Variants in PUDP observed in about 807,000 individuals in gnomAD.
PUDP encodes the protein pseudouridine 5'-phosphatase.
Under a neutral mutation model 9.4 loss-of-function variants are expected in PUDP, and 8 were observed. That is an observed-to-expected ratio of 0.85 (90% CI 0.50 to 1.53). The LOEUF is 1.53. Ranked by LOEUF, PUDP falls within the 40% of genes most tolerant of loss-of-function variation. The probability of loss-of-function intolerance (pLI) is 0.00; values close to 1 mark genes in which losing one functional copy is unlikely to be tolerated. For missense variants in PUDP, 188 were observed against 189.7 expected (o/e 0.99, Z 0.05); for synonymous variants, 99 against 80.7 (o/e 1.23, Z -1.22).
At chrX:6,977,178 T>A (rs1186317866) in exon 3 of PUDP, among the ~76,000 whole-genome samples, 1 of 111,914 alleles carries the variant, frequency 8.9e-6, no homozygotes, top group Non-Finnish European at 1.9e-5. Context: ...CTTTTCTCCA[T>A]GCCACTCCAG....
chrX:7,000,472 A>G (rs2146809074), intron 1 of PUDP, among the ~76,000 whole-genome samples: 1 of 111,290 alleles, frequency 9.0e-6, no homozygotes, highest in East Asian at 2.8e-4. Context: ...TGAAAAAATA[A>G]GAAATTTACC....
In PUDP at chrX:6,706,078, A is replaced by G. The variant is rs765425792; in HGVS notation, n.252+265T>C. ...TGCCAAGTTAAACAAGCCAGACACAAAAGGACAAATATTGTATGATTCCAC... is the reference window on the plus strand; with the variant it reads ...TGCCAAGTTAAACAAGCCAGACACAGAAGGACAAATATTGTATGATTCCAC... On this transcript the variant is annotated intron_variant and non_coding_transcript_variant, in intron 2 of 2. Coordinates refer to the PUDP transcript ENST00000438499. Among the ~76,000 whole-genome samples, 3 of 112,509 alleles carry G rather than the reference A, an allele frequency of 2.7e-5. No individual in the cohort carries two copies. In the East Asian group the frequency reaches 8.4e-4, roughly 31 times the overall value.
chrX:6,881,754 C>A (rs1261137207), intron 3 of PUDP, among the ~76,000 whole-genome samples: 1 of 110,234 alleles, frequency 9.1e-6, no homozygotes, highest in African/African-American at 3.3e-5. Flanking sequence ...AAAGCCCCTA[C>A]AAAAAAACAA....
intron 2 of PUDP, among the ~76,000 whole-genome samples, chrX:7,093,140 C>G (rs1193813076): frequency 9.0e-6 from 1 of 111,597 alleles, no homozygotes; most frequent in Non-Finnish European, 1.9e-5. Context: ...AACTCTGTCC[C>G]CATTAAATGC....
chrX:6,893,912 T>C (rs142851815), intron 3 of PUDP, among the ~76,000 whole-genome samples: 2,319 of 111,961 alleles, frequency 0.021, 63 homozygotes, highest in African/African-American at 0.069. Context: ...GGAATACTAT[T>C]CAGCCAGAAA....
In PUDP at chrX:7,050,483, A is replaced by G. The variant is rs760154085; in HGVS notation, c.511-11T>C. The stretch of plus-strand genomic sequence containing the variant: ...TTCAAAGACAAGGCACTGTAGGAAG[A>G]AAAAGAAAGTCGAGATGGCCTTTTA... On this transcript the variant is annotated splice_polypyrimidine_tract_variant and intron_variant, in intron 3 of 3. Coordinates refer to ENST00000381077, the MANE Select transcript of PUDP (RefSeq NM_012080.5). 1.7e-6 allele frequency: 2 copies of G among 1,204,294 alleles called. No homozygotes were observed. Among genetic ancestry groups the G allele is most frequent in the South Asian group, 3.6e-5 (2 of 56,092 alleles).
chrX:6,757,012 C>T (rs1035186654), intron 3 of PUDP, among the ~76,000 whole-genome samples: 3 of 112,201 alleles, frequency 2.7e-5, no homozygotes, highest in African/African-American at 9.7e-5. Flanking sequence ...CACATAGATC[C>T]TATGTTCCCT....
At chrX:6,950,400 T>C (rs1289073247) in intron 3 of PUDP, among the ~76,000 whole-genome samples, 1 of 92,946 alleles carries the variant, frequency 1.1e-5, no homozygotes, top group African/African-American at 3.7e-5. Context: ...CATCAGTTAG[T>C]CATTTCTTTT....
At chrX:6,889,597 T>C (rs1278739591) in intron 3 of PUDP, among the ~76,000 whole-genome samples, 2 of 112,517 alleles carry the variant, frequency 1.8e-5, no homozygotes, top group African/African-American at 3.2e-5. Flanking sequence ...ACTCCATAAA[T>C]AGTTGTTGGA....
At chrX:6,810,915 G>A (rs1486888169) in intron 3 of PUDP, among the ~76,000 whole-genome samples, 1 of 111,404 alleles carries the variant, frequency 9.0e-6, no homozygotes, top group African/African-American at 3.3e-5. Flanking sequence ...TTTAGATAAC[G>A]TTAGTCATTC....
chrX:6,827,968 G>A (rs1926448126), intron 3 of PUDP, among the ~76,000 whole-genome samples: 1 of 111,779 alleles, frequency 8.9e-6, no homozygotes, highest in South Asian at 3.8e-4. Context: ...TGGGGATCAG[G>A]CACCATTTTA....
chrX:7,026,497 G>A (rs946911463), intron 1 of PUDP, among the ~76,000 whole-genome samples: 1 of 112,105 alleles, frequency 8.9e-6, no homozygotes, highest in African/African-American at 3.2e-5. Context: ...CACCTTTGCA[G>A]TTTGGGAAGT....
chrX:6,925,595 G>GA (rs766174927), intron 3 of PUDP, among the ~76,000 whole-genome samples: 19 of 112,007 alleles, frequency 1.7e-4, no homozygotes, highest in Non-Finnish European at 3.0e-4. Flanking sequence ...ACAAACCCAC[G>GA]AAGCCTTCAG....
chrX:6,858,379 G>A (rs1323500248), intron 3 of PUDP, among the ~76,000 whole-genome samples: 2 of 99,996 alleles, frequency 2.0e-5, no homozygotes, highest in Non-Finnish European at 4.0e-5. Context: ...ATCCAGGCTG[G>A]AGTGCAGTGG....
At chrX:7,065,557 G>A (rs1019705333) in intron 3 of PUDP, among the ~76,000 whole-genome samples, 1 of 112,042 alleles carries the variant, frequency 8.9e-6, no homozygotes, top group Admixed American at 9.5e-5. Flanking sequence ...CTTGATCCTC[G>A]CATAAATCCC....
intron 3 of PUDP, among the ~76,000 whole-genome samples, chrX:6,783,526 C>G (rs923881394): frequency 3.2e-4 from 36 of 111,776 alleles, no homozygotes; most frequent in Admixed American, 1.9e-3. Context: ...ATTTAGTGAA[C>G]ACTGGATTTC....
Position 7,043,858 on chromosome X carries a change from G to T in PUDP, c.204+33362C>A, listed in dbSNP as rs142603318. Among the ~76,000 whole-genome samples the T allele has an allele frequency of 8.5e-3, 947 of 111,587 alleles. 11 individuals carry two copies. The highest frequency in any genetic ancestry group is 0.029 in the African/African-American group (898 of 30,633). On this transcript the variant is annotated intron_variant and NMD_transcript_variant, in intron 1 of 3. Coordinates refer to the PUDP transcript ENST00000655425. ...AGGAAAGCAATGGATATAACACCTC[G>T]GATCTTTATCCTTGAGAGGCCTTAA...
At position 6,925,037 on chromosome X, in the gene PUDP, G is replaced by A. The variant is rs745940883; in HGVS notation, c.*247+52096C>T. Among the ~76,000 whole-genome samples, 16 of 112,103 alleles carry A rather than the reference G, an allele frequency of 1.4e-4. No individual in the cohort carries two copies. In the South Asian group the frequency reaches 4.9e-3, roughly 34 times the overall value. Reference sequence around the variant, plus strand: ...CTTAAAATAAATACAATTTAAGGCCGGGCATGGTGGCTCACGCCTGTAACC... The same window carrying A: ...CTTAAAATAAATACAATTTAAGGCCAGGCATGGTGGCTCACGCCTGTAACC... On this transcript the variant is annotated intron_variant and NMD_transcript_variant, in intron 3 of 3. Transcript: ENST00000655425.
chrX:6,902,066 C>T (rs769306728), intron 3 of PUDP, among the ~76,000 whole-genome samples: 27 of 109,863 alleles, frequency 2.5e-4, no homozygotes, highest in Non-Finnish European at 3.4e-4. Context: ...GTAAAGATGG[C>T]GGGGGGCGGG....
Sources: allele counts gnomAD v4.1 joint callset (sites outside exome capture counted in the v4.1 genomes callset), GRCh38; gene constraint gnomAD v4.1.1; transcripts MANE v1.5; gene names NCBI Gene and HGNC (gene_info 2026-07-23, HGNC 2026-07-21).